Variants in RELN observed in about 807,000 individuals in gnomAD.
RELN encodes reelin.
In RELN, 108 loss-of-function variants were observed where a neutral mutation model predicts 427.6. The ratio of observed to expected loss-of-function variants is 0.25; its 90% CI spans 0.22 to 0.30. RELN has a LOEUF of 0.30. Among genes scored for constraint, RELN ranks in the 10% least tolerant of loss-of-function variants. RELN has a pLI of 1.00. For synonymous variants in RELN, 1,524 were observed against 1,513.4 expected (o/e 1.01, Z -0.16); for missense variants, 3,715 against 4,302.8 (o/e 0.86, Z 3.82).
At chr7:103,583,934 C>A (rs769378430) in intron 28 of RELN, among the ~76,000 whole-genome samples, 1 of 152,214 alleles carries the variant, frequency 6.6e-6, no homozygotes, top group Non-Finnish European at 1.5e-5. Flanking sequence ...CACGCTAGGT[C>A]ACTCATGCCC....
chr7:103,556,067 A>G (rs144710940), intron 38 of RELN, among the ~76,000 whole-genome samples: 1 of 152,322 alleles, frequency 6.6e-6, no homozygotes, highest in African/African-American at 2.4e-5. Context: ...AAACATTACC[A>G]ATTTGTAGAA....
intron 8 of RELN, among the ~76,000 whole-genome samples, chr7:103,718,252 A>G (rs1789989237): frequency 6.6e-6 from 1 of 151,856 alleles, no homozygotes; most frequent in African/African-American, 2.4e-5. Flanking sequence ...ACATCTGTGT[A>G]TCTTAATAAG....
intron 2 of RELN, among the ~76,000 whole-genome samples, chr7:103,867,514 A>G (rs1288917502): frequency 2.0e-5 from 3 of 152,116 alleles, no homozygotes; most frequent in African/African-American, 7.2e-5. Flanking sequence ...GGAGCTTCCT[A>G]TGCAACTATT....
At chr7:103,962,553 C>A (rs780536627) in intron 1 of RELN, among the ~76,000 whole-genome samples, 2 of 152,036 alleles carry the variant, frequency 1.3e-5, no homozygotes, top group Non-Finnish European at 1.5e-5. Flanking sequence ...TTTCAGCTCA[C>A]AGAAACACCA....
At chr7:103,900,992 T>C (rs912405576) in intron 2 of RELN, among the ~76,000 whole-genome samples, 1 of 151,952 alleles carries the variant, frequency 6.6e-6, no homozygotes, top group African/African-American at 2.4e-5. Flanking sequence ...GATAAATTTT[T>C]GAAAGAATGC....
chr7:103,702,382 C>G (rs1418773121), intron 8 of RELN, among the ~76,000 whole-genome samples: 1 of 152,120 alleles, frequency 6.6e-6, no homozygotes, highest in African/African-American at 2.4e-5. Flanking sequence ...CACACCATAA[C>G]CACTTAAAAG....
intron 3 of RELN, among the ~76,000 whole-genome samples, chr7:103,783,683 T>C (rs1270350449): frequency 6.6e-6 from 1 of 152,202 alleles, no homozygotes; most frequent in African/African-American, 2.4e-5. Flanking sequence ...AAGTGTACTT[T>C]TTATTAGCAA....
chr7:103,543,848 C>T (rs1191408289), intron 42 of RELN, among the ~76,000 whole-genome samples: 2 of 152,300 alleles, frequency 1.3e-5, no homozygotes, highest in East Asian at 3.9e-4. Flanking sequence ...GTGCAGCCAT[C>T]ACTACTACCT....
intron 6 of RELN, among the ~76,000 whole-genome samples, chr7:103,740,581 T>C (rs890813478): frequency 6.6e-5 from 10 of 152,246 alleles, no homozygotes; most frequent in Non-Finnish European, 1.3e-4. Flanking sequence ...ACTTATCTGT[T>C]ACCTTTATTT....
At chr7:103,708,777 G>A (rs899721926) in intron 8 of RELN, among the ~76,000 whole-genome samples, 1 of 152,022 alleles carries the variant, frequency 6.6e-6, no homozygotes, top group African/African-American at 2.4e-5. Flanking sequence ...CTTCTGCTGG[G>A]TTAACTCTCT....
rs111403030 is a variant in RELN, at chr7:103,781,203, G to A, written c.474-4576C>T. On this transcript the variant is annotated intron_variant, in intron 3 of 64. Coordinates refer to ENST00000428762, the MANE Select transcript of RELN (RefSeq NM_005045.4). ...CCTTGCTTTATCCCATGAGCCATCC[G>A]CACTGCACTCCTTAGGGTGGGATTA... 4.0e-5 allele frequency among the ~76,000 whole-genome samples: 6 copies of A among 151,796 alleles called. 1 individual carries two copies. Among genetic ancestry groups the A allele is most frequent in the South Asian group, 2.1e-4 (1 of 4,810 alleles).
At chr7:103,572,567 T>C (rs1830907757) in intron 30 of RELN, among the ~76,000 whole-genome samples, 1 of 151,984 alleles carries the variant, frequency 6.6e-6, no homozygotes, top group Non-Finnish European at 1.5e-5. Flanking sequence ...GACGGAGTCT[T>C]GCTCTGTTGC....
chr7:103,859,559 C>T (rs2116487776), intron 2 of RELN, among the ~76,000 whole-genome samples: 1 of 152,276 alleles, frequency 6.6e-6, no homozygotes, highest in South Asian at 2.1e-4. Flanking sequence ...TCCCAAAGTG[C>T]TGGGATTATA....
chr7:103,552,990 G>C (rs953106445), intron 40 of RELN, among the ~76,000 whole-genome samples: 4 of 151,730 alleles, frequency 2.6e-5, no homozygotes, highest in Non-Finnish European at 5.9e-5. Context: ...TAAAAGGAGT[G>C]CATAAATATT....
intron 46 of RELN, among the ~76,000 whole-genome samples, chr7:103,528,457 G>C (rs1829869979): frequency 6.6e-6 from 1 of 150,376 alleles, no homozygotes; most frequent in South Asian, 2.1e-4. Context: ...AAATTACACT[G>C]TGGTGATGGT....
chr7:103,848,589 G>A (rs937347312), intron 2 of RELN, among the ~76,000 whole-genome samples: 1 of 152,252 alleles, frequency 6.6e-6, no homozygotes, highest in African/African-American at 2.4e-5. Context: ...GGGTCCCCAG[G>A]TCACATTGCA....
chr7:103,596,653 T>C lies in RELN; in HGVS notation c.3342A>G (p.Lys1114=). The C allele has an allele frequency of 6.2e-7, 1 of 1,613,882 alleles. No individual in the cohort carries two copies. Among genetic ancestry groups the C allele is most frequent in the Non-Finnish European group, 8.5e-7 (1 of 1,179,816 alleles). The change falls in exon 25 of 65, where the codon AAA becomes AAG. Residue 1114 remains lysine, a synonymous_variant. Coordinates refer to ENST00000428762, the MANE Select transcript of RELN (RefSeq NM_005045.4). ...GSSLYFSKAG[K]RQLVSWDLDT... ...CCAGGTCCCAACTCACCAGCTGTCT[T>C]TTCCCAGCCTTTCAGAAAAGAAGAA...
intron 3 of RELN, among the ~76,000 whole-genome samples, chr7:103,817,766 T>C (rs192899627): frequency 6.6e-6 from 1 of 151,728 alleles, no homozygotes; most frequent in East Asian, 1.9e-4. Context: ...GGCAACAAGA[T>C]GAAACCTCGT....
At chr7:103,695,716 C>T (rs985495721) in intron 10 of RELN, among the ~76,000 whole-genome samples, 22 of 152,036 alleles carry the variant, frequency 1.4e-4, no homozygotes, top group African/African-American at 4.8e-4. Context: ...TCCCAGGCCC[C>T]GAGGTCTCCT....
Sources: gnomAD v4.1 joint callset for allele counts (sites outside exome capture counted in the v4.1 genomes callset) on GRCh38, gnomAD v4.1.1 for gene constraint, MANE v1.5 for transcripts, NCBI Gene and HGNC (gene_info 2026-07-23, HGNC 2026-07-21) for gene names.